TLR2: variants seen among roughly 807,000 people sequenced by gnomAD.
TLR2 encodes the protein toll like receptor 2.
A neutral mutation model predicts 9.1 loss-of-function variants in TLR2; 7 were observed. That is an observed-to-expected ratio of 0.77 (90% CI 0.44 to 1.44). The LOEUF (loss-of-function observed/expected upper bound fraction) is 1.44. Ranked by LOEUF, TLR2 falls within the 40% of genes most tolerant of loss-of-function variation. The probability of loss-of-function intolerance (pLI) is 0.01; values close to 1 mark genes in which losing one functional copy is unlikely to be tolerated. For missense variants in TLR2, 812 were observed against 904.6 expected, an observed-to-expected ratio of 0.90 and a Z score of 1.31; for synonymous variants, 317 against 344.6, an observed-to-expected ratio of 0.92 and a Z score of 0.89.
At chr4:153,708,936 A>G (rs1348917600), downstream of TLR2, among the ~76,000 whole-genome samples, 1 of 152,200 alleles carries the variant, frequency 6.6e-6, no homozygotes, top group African/African-American at 2.4e-5. Context: ...TCAAACAGCT[A>G]CAGAGATGAG....
downstream of TLR2, among the ~76,000 whole-genome samples, chr4:153,709,753 TCTTG>T (rs1737442627): frequency 6.6e-6 from 1 of 152,246 alleles, no homozygotes; most frequent in African/African-American, 2.4e-5. Context: ...AAGTGATTCT[TCTTG>T]CTTTAGTACA....
intron 2 of TLR2, chr4:153,702,558 T>C (rs892997933): frequency 1.9e-5 from 4 of 211,002 alleles, no homozygotes; most frequent in Non-Finnish European, 3.8e-5. Flanking sequence ...CTTAAAAGGC[T>C]TGATTGCTCA....
Position 153,703,219 on chromosome 4 carries a change from T to C in TLR2, c.312T>C (p.His104=). 5.0e-6 allele frequency: 8 copies of C among 1,614,196 alleles called. No individual in the cohort carries two copies. The highest frequency in any genetic ancestry group is 5.1e-6 in the Non-Finnish European group (6 of 1,180,016). ...TTTCTTCCCTGGGCAGTCTTGAACA[T>C]TTAGACTTATCCTATAATTACTTAT... ...DSFSSLGSLE[H]LDLSYNYLSN... The change falls in exon 3 of 3, where the codon CAT becomes CAC. Residue 104 remains histidine (H), a synonymous_variant. Transcript: ENST00000642700.
downstream of TLR2, among the ~76,000 whole-genome samples, chr4:153,706,760 A>G (rs184718042): frequency 8.5e-5 from 13 of 152,356 alleles, no homozygotes; most frequent in East Asian, 2.3e-3. Flanking sequence ...CTAGAGTCAG[A>G]AAGACCTGGG....
In TLR2 at chr4:153,704,197, A is replaced by G. The variant is rs1398796959; in HGVS notation, c.1290A>G (p.Glu430=). The change falls in exon 3 of 3, where the codon GAA becomes GAG. Residue 430 remains glutamate, a synonymous_variant. Transcript: ENST00000642700. The part of the protein sequence containing the change: ...ISKNSFHSMP[E]TCQWPEKMKY... ...AGAATAGTTTTCATTCTATGCCTGAAACTTGTCAGTGGCCAGAAAAGATGA... is the reference window on the plus strand; with the variant it reads ...AGAATAGTTTTCATTCTATGCCTGAGACTTGTCAGTGGCCAGAAAAGATGA... 3.1e-6 allele frequency: 5 copies of G among 1,614,072 alleles called. No individual in the cohort carries two copies. In the African/African-American group the frequency reaches 6.7e-5, roughly 22 times the overall value.
At position 153,703,518 on chromosome 4, in the gene TLR2, T is replaced by A. The variant is rs1368241729; in HGVS notation, c.611T>A (p.Ile204Asn). 1 of 1,613,994 alleles carries A rather than the reference T, an allele frequency of 6.2e-7. No individual in the cohort carries two copies. Among genetic ancestry groups the A allele is most frequent in the Non-Finnish European group, 8.5e-7 (1 of 1,179,956 alleles). Residue 204 changes from isoleucine (I) to asparagine (N), a missense_variant, in exon 3 of 3, where the codon ATC (isoleucine) becomes AAC (asparagine). Transcript: ENST00000642700. ...LKSIQNVSHL[I>N]LHMKQHILLL... is the part of the protein sequence containing the mutation. ...TCAATTCAGAATGTAAGTCATCTGA[T>A]CCTTCATATGAAGCAGCATATTTTA...
intron 2 of TLR2, among the ~76,000 whole-genome samples, chr4:153,698,780 G>A (rs1736682226): frequency 6.6e-6 from 1 of 152,132 alleles, no homozygotes. Flanking sequence ...TTAAGTAAAT[G>A]CTGGATATGT....
chr4:153,691,418 T>A (rs1736106689), intron 2 of TLR2, among the ~76,000 whole-genome samples: 1 of 152,196 alleles, frequency 6.6e-6, no homozygotes, highest in African/African-American at 2.4e-5. Flanking sequence ...TTTCTTATCA[T>A]CGTAGCCATT....
intron 2 of TLR2, among the ~76,000 whole-genome samples, chr4:153,700,402 A>T (rs1325293369): frequency 6.6e-6 from 1 of 152,222 alleles, no homozygotes; most frequent in Non-Finnish European, 1.5e-5. Context: ...CAAAAACCAT[A>T]AAATACTATT....
chr4:153,692,953 G>T (rs141144074), intron 2 of TLR2, among the ~76,000 whole-genome samples: 1 of 152,164 alleles, frequency 6.6e-6, no homozygotes, highest in Non-Finnish European at 1.5e-5. Context: ...TCCCTGAATA[G>T]TTATTTCACC....
intron 2 of TLR2, among the ~76,000 whole-genome samples, chr4:153,695,398 T>C (rs375316798): frequency 6.6e-6 from 1 of 152,238 alleles, no homozygotes; most frequent in East Asian, 1.9e-4. Flanking sequence ...CTCATTGTAG[T>C]TTTGATTAGC....
chr4:153,700,726 A>G (rs1413741821), intron 2 of TLR2, among the ~76,000 whole-genome samples: 1 of 152,224 alleles, frequency 6.6e-6, no homozygotes, highest in Non-Finnish European at 1.5e-5. Context: ...CATTTGAAAT[A>G]CATCTATCAC....
chr4:153,688,224 C>T (rs1447975030), intron 2 of TLR2, 177 bp downstream of exon 2: 1 of 152,200 alleles, frequency 6.6e-6, no homozygotes, highest in Non-Finnish European at 1.5e-5. Flanking sequence ...GACAGGGAAT[C>T]CTGGGCTTAT....
chr4:153,710,411 T>A (rs1339), downstream of TLR2: 1 of 1,574,444 alleles, frequency 6.4e-7, no homozygotes, highest in Non-Finnish European at 8.6e-7. Flanking sequence ...GAACTATTCC[T>A]ATCACCACAG....
chr4:153,705,462 G>T lies in TLR2; in HGVS notation c.*200G>T. On this transcript the variant is annotated 3_prime_UTR_variant, in exon 3 of 3. Transcript: ENST00000642700. ...ATGCCAGATTTAAAAATTGGTTTTT[G>T]GTTTTTCTTTTTTCTATGAGATAAC... 1 of 517,440 alleles carries T rather than the reference G, an allele frequency of 1.9e-6. No homozygotes were observed. The highest frequency in any genetic ancestry group is 3.3e-6 in the Non-Finnish European group (1 of 301,886). The allele number at this position is 517,440 out of a possible 1,614,324, so 32.1% of individuals were successfully genotyped here. A position where few individuals can be genotyped will look rare whatever the true frequency, so the allele number is the denominator to read the frequency against.
chr4:153,703,218 A>G lies in TLR2; in HGVS notation c.311A>G (p.His104Arg), dbSNP rs914436589. 6.2e-7 allele frequency: 1 copy of G among 1,614,198 alleles called. No homozygotes were observed. Among genetic ancestry groups the G allele is most frequent in the Non-Finnish European group, 8.5e-7 (1 of 1,180,022 alleles). ...TTTTCTTCCCTGGGCAGTCTTGAACATTTAGACTTATCCTATAATTACTTA... is the reference window on the plus strand; with the variant it reads ...TTTTCTTCCCTGGGCAGTCTTGAACGTTTAGACTTATCCTATAATTACTTA... ...DSFSSLGSLE[H>R]LDLSYNYLSN... Residue 104 changes from histidine (H) to arginine (R), a missense_variant, in exon 3 of 3, where the codon CAT becomes CGT. Physicochemically the swap from His to Arg is conservative, Grantham distance 29. Coordinates refer to ENST00000642700, the MANE Select transcript of TLR2 (RefSeq NM_001318789.2).
At chr4:153,707,320 G>T (rs1353854989), downstream of TLR2, among the ~76,000 whole-genome samples, 3 of 152,162 alleles carry the variant, frequency 2.0e-5, no homozygotes, top group Non-Finnish European at 2.9e-5. Context: ...GGCTAAGGCA[G>T]GAGGATTGCT....
At chr4:153,696,487 T>G (rs892829692) in intron 2 of TLR2, among the ~76,000 whole-genome samples, 1 of 152,220 alleles carries the variant, frequency 6.6e-6, no homozygotes, top group African/African-American at 2.4e-5. Context: ...TATCTTGATT[T>G]CTTTTTCAGA....
chr4:153,699,063 C>CTAAT (rs1342793835), intron 2 of TLR2, among the ~76,000 whole-genome samples: 3 of 152,148 alleles, frequency 2.0e-5, no homozygotes, highest in Non-Finnish European at 4.4e-5. Context: ...ATTCATAACC[C>CTAAT]TAATTCTCTA....
Sources: gnomAD v4.1 joint callset for allele counts (sites outside exome capture counted in the v4.1 genomes callset) on GRCh38, gnomAD v4.1.1 for gene constraint, MANE v1.5 for transcripts, NCBI Gene and HGNC (gene_info 2026-07-23, HGNC 2026-07-21) for gene names.